The following CSRP2 variants were observed in gnomAD, a reference collection of about 807,000 sequenced individuals.
CSRP2 encodes the protein cysteine and glycine rich protein 2.
In CSRP2, 18 loss-of-function variants were observed where a neutral mutation model predicts 24.6. That is an observed-to-expected ratio of 0.73 (90% CI 0.51 to 1.09). CSRP2 has a LOEUF of 1.09. Among genes scored for constraint, CSRP2 ranks in the 50% least tolerant of loss-of-function variants. The pLI is 0.00. For missense variants in CSRP2, 215 were observed against 239.4 expected, an observed-to-expected ratio of 0.90 and a Z score of 0.67; for synonymous variants, 87 against 84.3, an observed-to-expected ratio of 1.03 and a Z score of -0.18.
intron 3 of CSRP2, chr12:76,861,348 C>CTATATATA (rs745647876): frequency 2.9e-5 from 4 of 138,302 alleles, no homozygotes; most frequent in African/African-American, 5.4e-5. Flanking sequence ...AAGACCCTGT[C>CTATATATA]TATATATATA....
chr12:76,864,338 T>C (rs1432735135), intron 2 of CSRP2: 3 of 151,992 alleles, frequency 2.0e-5, no homozygotes, highest in Admixed American at 6.6e-5. Context: ...CTCGGAAGGG[T>C]AGGGTGTCGG....
At chr12:76,869,142 G>A (rs1953766053) in intron 1 of CSRP2, among the ~76,000 whole-genome samples, 1 of 152,082 alleles carries the variant, frequency 6.6e-6, no homozygotes, top group South Asian at 2.1e-4. Flanking sequence ...CATCTCTGCT[G>A]CAAAATGGTG....
At chr12:76,871,727 G>A (rs1424451530) in intron 1 of CSRP2, among the ~76,000 whole-genome samples, 1 of 149,748 alleles carries the variant, frequency 6.7e-6, no homozygotes, top group Non-Finnish European at 1.5e-5. Flanking sequence ...TAGTGCCACT[G>A]CAGTCCCGCC....
At chr12:76,871,553 G>C (rs1403370829) in intron 1 of CSRP2, among the ~76,000 whole-genome samples, 2 of 152,128 alleles carry the variant, frequency 1.3e-5, no homozygotes, top group Admixed American at 6.5e-5. Flanking sequence ...GGCAGATCAC[G>C]AGGTCAGGAG....
intron 3 of CSRP2, chr12:76,862,881 T>C: frequency 9.1e-6 from 14 of 1,530,928 alleles, no homozygotes; most frequent in Non-Finnish European, 1.2e-5. Flanking sequence ...TGACATCCGG[T>C]CTCCAAGGTG....
Position 76,863,346 on chromosome 12 carries a change from T to A in CSRP2, c.113-2A>T, listed in dbSNP as rs1471480329. The A allele has an allele frequency of 6.2e-7, 1 of 1,613,718 alleles. No homozygotes were observed. The highest frequency in any genetic ancestry group is 8.5e-7 in the Non-Finnish European group (1 of 1,179,920). On this transcript the variant is annotated splice_acceptor_variant, in intron 2 of 5. Transcript: ENST00000311083. LOFTEE classifies it high-confidence loss of function. ...TATCTAAATTTTTCCTGCAAACCAC[T>A]GCAGGGGAAAAAGTTAGACTTTACA...
At chr12:76,878,465 C>T (rs1953874067) in intron 1 of CSRP2, among the ~76,000 whole-genome samples, 1 of 152,120 alleles carries the variant, frequency 6.6e-6, no homozygotes, top group Non-Finnish European at 1.5e-5. Context: ...GGGGACAGAA[C>T]CCAGTAAGGT....
At chr12:76,871,331 C>T (rs187088029) in intron 1 of CSRP2, among the ~76,000 whole-genome samples, 5 of 152,322 alleles carry the variant, frequency 3.3e-5, no homozygotes, top group Non-Finnish European at 7.3e-5. Flanking sequence ...AACCCACCAA[C>T]CAGCACCTAG....
At chr12:76,872,185 C>T (rs991815340) in intron 1 of CSRP2, among the ~76,000 whole-genome samples, 2 of 152,170 alleles carry the variant, frequency 1.3e-5, no homozygotes, top group African/African-American at 4.8e-5. Context: ...CATGTTACAA[C>T]GTGATTTATA....
In CSRP2 at chr12:76,859,027, T is replaced by G; in HGVS notation, c.507A>C (p.Gly169=). 1 of 1,614,112 alleles carries G rather than the reference T, an allele frequency of 6.2e-7. No homozygotes were observed. The highest frequency in any genetic ancestry group is 8.5e-7 in the Non-Finnish European group (1 of 1,179,924). ...TEKEGEIYCK[G]CYAKNFGPKG... is the part of the protein sequence containing the mutation. ...TGGGCCCAAAGTTCTTTGCATAGCA[T>G]CCTACAAAGGAAAGGGAGGAAGGAT... is the stretch of plus-strand genomic sequence containing the variant. Residue 169 remains glycine (G), a splice_region_variant and synonymous_variant, in exon 6 of 6, where the codon GGA becomes GGC. Coordinates refer to ENST00000311083, the MANE Select transcript of CSRP2 (RefSeq NM_001321.3).
intron 1 of CSRP2, among the ~76,000 whole-genome samples, chr12:76,868,377 G>A (rs888337841): frequency 6.6e-5 from 10 of 152,118 alleles, no homozygotes; most frequent in Admixed American, 5.2e-4. Flanking sequence ...ATCCTGGGGC[G>A]AGTCTTTCGC....
Position 76,858,837 on chromosome 12 carries a change from C to T in CSRP2, c.*115G>A, listed in dbSNP as rs1358570106. ...TTAGCCAGCCTATCCAAGTACAGGG[C>T]GATATACAGTACTTAATGCTGGTAG... On this transcript the variant is annotated 3_prime_UTR_variant, in exon 6 of 6. Transcript: ENST00000311083. 33 of 916,562 alleles carry T rather than the reference C, an allele frequency of 3.6e-5. No homozygotes were observed. The highest frequency in any genetic ancestry group is 1.5e-4 in the South Asian group (10 of 66,484). 56.8% of individuals were successfully genotyped at this position (916,562 alleles called of 1,614,324 possible). A position where few individuals can be genotyped will look rare whatever the true frequency, so the allele number is the denominator to read the frequency against.
At chr12:76,865,283 T>C (rs897714956) in intron 2 of CSRP2, among the ~76,000 whole-genome samples, 3 of 152,164 alleles carry the variant, frequency 2.0e-5, no homozygotes, top group South Asian at 4.1e-4. Flanking sequence ...TGCTGAAAAA[T>C]AGATTCCTTT....
chr12:76,867,819 T>C (rs1237336262), intron 1 of CSRP2, among the ~76,000 whole-genome samples: 1 of 151,138 alleles, frequency 6.6e-6, no homozygotes, highest in Non-Finnish European at 1.5e-5. Context: ...TGCTACTAAG[T>C]AGAAAAGATT....
Position 76,860,234 on chromosome 12 carries a change from GGGAGCAGAGAGAA to G in CSRP2, c.411+37_411+49del. 6 of 1,592,478 alleles carry G rather than the reference GGGAGCAGAGAGAA, an allele frequency of 3.8e-6. No homozygotes were observed. The African/African-American group carries it at 6.7e-5, about 18-fold the overall frequency. On this transcript the variant is annotated intron_variant, in intron 4 of 5. Coordinates refer to ENST00000311083, the MANE Select transcript of CSRP2 (RefSeq NM_001321.3). ...GAATGTGGAAGGGTTAGGGGAGAAA[GGGAGCAGAGAGAA>G]GTCATTTGCTGTTATTAATTCCAAA...
chr12:76,868,521 TG>T (rs1565825564), intron 1 of CSRP2, among the ~76,000 whole-genome samples: 1 of 152,234 alleles, frequency 6.6e-6, no homozygotes, highest in Non-Finnish European at 1.5e-5. Flanking sequence ...CTGCCATAAT[TG>T]TGAGGTCTCC....
At chr12:76,870,975 CAAA>C (rs398020213) in intron 1 of CSRP2, among the ~76,000 whole-genome samples, 27 of 57,174 alleles carry the variant, frequency 4.7e-4, no homozygotes, top group Non-Finnish European at 6.7e-4. Flanking sequence ...GACCCTGTCT[CAAA>C]AAAAAAAAAA....
chr12:76,868,345 G>A (rs577596216), intron 1 of CSRP2, among the ~76,000 whole-genome samples: 2 of 152,122 alleles, frequency 1.3e-5, no homozygotes, highest in African/African-American at 4.8e-5. Flanking sequence ...GTTGTGGGAC[G>A]GACAGGGTGG....
intron 1 of CSRP2, among the ~76,000 whole-genome samples, chr12:76,868,973 G>T (rs1953764310): frequency 6.6e-6 from 1 of 151,408 alleles, no homozygotes; most frequent in Non-Finnish European, 1.5e-5. Context: ...ACTGGTTTTA[G>T]ATGGTACTGA....
Sources: allele counts gnomAD v4.1 joint callset (sites outside exome capture counted in the v4.1 genomes callset), GRCh38; gene constraint gnomAD v4.1.1; transcripts MANE v1.5; gene names NCBI Gene and HGNC (gene_info 2026-07-23, HGNC 2026-07-21).